TGS1: variants seen among roughly 807,000 people sequenced by gnomAD.
The protein encoded by TGS1 is trimethylguanosine synthase 1.
Under a neutral mutation model 92.2 loss-of-function variants are expected in TGS1, and 69 were observed. The ratio of observed to expected loss-of-function variants is 0.75; its 90% confidence interval spans 0.62 to 0.91. TGS1 has a LOEUF of 0.91. Ranked by LOEUF, TGS1 falls within the 40% of genes least tolerant of loss-of-function variation. The pLI, the probability that TGS1 is intolerant of heterozygous loss-of-function variation, is 0.00. For missense variants in TGS1, 1,062 were observed against 1,001.2 expected, an observed-to-expected ratio of 1.06 and a Z score of -0.82; for synonymous variants, 345 against 338.1, an observed-to-expected ratio of 1.02 and a Z score of -0.22.
chr8:55,780,822 G>C (rs1360336005), intron 1 of TGS1, among the ~76,000 whole-genome samples: 1 of 152,140 alleles, frequency 6.6e-6, no homozygotes, highest in Admixed American at 6.5e-5. Flanking sequence ...TTACTAACAG[G>C]TTATATTCCA....
chr8:55,793,753 TA>T (rs1440839178), intron 6 of TGS1, among the ~76,000 whole-genome samples: 24 of 149,932 alleles, frequency 1.6e-4, no homozygotes, highest in African/African-American at 5.4e-4. Context: ...TTTATTTATT[TA>T]TTTATTTATT....
intron 5 of TGS1, among the ~76,000 whole-genome samples, chr8:55,791,460 G>T (rs1473890155): frequency 1.3e-5 from 2 of 152,192 alleles, no homozygotes; most frequent in Non-Finnish European, 2.9e-5. Flanking sequence ...TCTCTGCCCA[G>T]AAGTGGCAGT....
chr8:55,778,492 T>G (rs753744925), intron 1 of TGS1, among the ~76,000 whole-genome samples: 7 of 152,180 alleles, frequency 4.6e-5, no homozygotes, highest in Non-Finnish European at 1.0e-4. Context: ...AGGACTATTC[T>G]GGAAACTGAA....
chr8:55,786,914 G>A lies in TGS1; in HGVS notation c.1016G>A (p.Cys339Tyr), dbSNP rs1367235482. The A allele has an allele frequency of 6.2e-7, 1 of 1,614,120 alleles. No individual in the cohort carries two copies. Residue 339 changes from cysteine to tyrosine, a missense_variant, in exon 4 of 13, where the codon TGT becomes TAT. Cys to Tyr is a radical substitution (Grantham distance 194). Coordinates refer to ENST00000260129, the MANE Select transcript of TGS1 (RefSeq NM_024831.8). The part of the protein sequence containing the change: ...EEVTQSQLDS[C>Y]TSHDGHQQLS... ...GTAACACAGAGCCAATTAGATTCCTGTACAAGTCATGATGGTCATCAACAG... is the reference window on the plus strand; with the variant it reads ...GTAACACAGAGCCAATTAGATTCCTATACAAGTCATGATGGTCATCAACAG...
Position 55,773,798 on chromosome 8 carries a change from T to C in TGS1, c.101+79T>C, listed in dbSNP as rs112964282. 13 of 1,193,600 alleles carry C rather than the reference T, an allele frequency of 1.1e-5. No homozygotes were observed. In the African/African-American group the frequency reaches 1.5e-4, roughly 14 times the overall value. 73.9% of individuals were successfully genotyped at this position (1,193,600 alleles called of 1,614,324 possible). ...GTAGGTATTGCAAACGTGGTTGTAATTGATCCCTGAAAGCAGCCAGAACAT... is the reference window on the plus strand; with the variant it reads ...GTAGGTATTGCAAACGTGGTTGTAACTGATCCCTGAAAGCAGCCAGAACAT... On this transcript the variant is annotated intron_variant, in intron 1 of 12. Transcript: ENST00000260129.
chr8:55,801,681 C>G (rs1373755948), intron 8 of TGS1, among the ~76,000 whole-genome samples: 1 of 149,698 alleles, frequency 6.7e-6, no homozygotes. Flanking sequence ...CTCCGCCTCC[C>G]GGGTTCACGC....
intron 1 of TGS1, among the ~76,000 whole-genome samples, chr8:55,781,973 C>T (rs1197306045): frequency 6.6e-6 from 1 of 152,048 alleles, no homozygotes; most frequent in Non-Finnish European, 1.5e-5. Flanking sequence ...CCATGAATAC[C>T]TTGTCTACTG....
At chr8:55,822,291 C>T (rs370913817) in intron 12 of TGS1, among the ~76,000 whole-genome samples, 1 of 151,958 alleles carries the variant, frequency 6.6e-6, no homozygotes, top group African/African-American at 2.4e-5. Flanking sequence ...AGGATGGTCT[C>T]GATCTCCTGA....
chr8:55,818,596 C>T (rs1489946706), intron 12 of TGS1, among the ~76,000 whole-genome samples: 2 of 152,206 alleles, frequency 1.3e-5, no homozygotes, highest in South Asian at 2.1e-4. Context: ...AGAGCAGAAT[C>T]GTTTGTTCTT....
intron 4 of TGS1, 107 bp from the exon 5 acceptor site, chr8:55,790,075 C>T: frequency 1.3e-6 from 1 of 761,024 alleles, no homozygotes; most frequent in African/African-American, 1.7e-5. Flanking sequence ...TGCACATGTA[C>T]AGTTCATTGT....
At chr8:55,791,435 C>A (rs1055077799) in intron 5 of TGS1, among the ~76,000 whole-genome samples, 8 of 152,244 alleles carry the variant, frequency 5.3e-5, no homozygotes, top group Non-Finnish European at 1.2e-4. Flanking sequence ...CCATAACTCT[C>A]AGTTTACAAG....
chr8:55,797,660 G>T (rs1812097265), intron 7 of TGS1, among the ~76,000 whole-genome samples: 1 of 152,152 alleles, frequency 6.6e-6, no homozygotes, highest in African/African-American at 2.4e-5. Flanking sequence ...AACAAAAGTA[G>T]TTAGAAAATT....
chr8:55,808,004 C>T (rs1803226215), intron 10 of TGS1, among the ~76,000 whole-genome samples: 1 of 152,160 alleles, frequency 6.6e-6, no homozygotes, highest in Non-Finnish European at 1.5e-5. Flanking sequence ...CACGTAGTAG[C>T]TGTAGAAAAA....
chr8:55,807,488 C>G (rs1001087038), intron 10 of TGS1, among the ~76,000 whole-genome samples: 1 of 151,018 alleles, frequency 6.6e-6, no homozygotes, highest in Non-Finnish European at 1.5e-5. Flanking sequence ...ACTGATATAG[C>G]TGGGTCATAA....
chr8:55,774,595 T>A (rs982227476), intron 1 of TGS1, among the ~76,000 whole-genome samples: 7 of 152,202 alleles, frequency 4.6e-5, no homozygotes, highest in Admixed American at 2.0e-4. Flanking sequence ...AGTCATACAA[T>A]CATTCAGAAA....
At chr8:55,783,469 T>C (rs1811625057) in intron 2 of TGS1, among the ~76,000 whole-genome samples, 1 of 152,100 alleles carries the variant, frequency 6.6e-6, no homozygotes, top group African/African-American at 2.4e-5. Flanking sequence ...GAGAAGTGTA[T>C]TATGTAGGTA....
intron 12 of TGS1, 54 bp from the exon 13 acceptor site, chr8:55,824,527 C>T: frequency 6.2e-7 from 1 of 1,606,252 alleles, no homozygotes; most frequent in South Asian, 1.1e-5. Context: ...AAGTGAAAGA[C>T]TTTTGAAATT....
rs1803769967 is a variant in TGS1, at chr8:55,825,483, T to G, written c.*780T>G. 6.6e-6 allele frequency: 1 copy of G among 152,182 alleles called. No homozygotes were observed. Among genetic ancestry groups the G allele is most frequent in the South Asian group, 2.1e-4 (1 of 4,832 alleles). The allele number at this position is 152,182 out of a possible 1,614,324, so 9.4% of individuals were successfully genotyped here. On this transcript the variant is annotated 3_prime_UTR_variant, in exon 13 of 13. Transcript: ENST00000260129. ...GTTGCTTAATTATTCATCTAAAAAGTTTGTTCAGTCATTTTTACAAGTAGG... is the reference window on the plus strand; with the variant it reads ...GTTGCTTAATTATTCATCTAAAAAGGTTGTTCAGTCATTTTTACAAGTAGG...
chr8:55,823,202 G>A (rs1803697360), intron 12 of TGS1, among the ~76,000 whole-genome samples: 1 of 152,058 alleles, frequency 6.6e-6, no homozygotes, highest in African/African-American at 2.4e-5. Context: ...TGAGAGGTTG[G>A]GTGAAGAAAG....
Sources: gnomAD v4.1 joint callset for allele counts (sites outside exome capture counted in the v4.1 genomes callset) on GRCh38, gnomAD v4.1.1 for gene constraint, MANE v1.5 for transcripts, NCBI Gene and HGNC (gene_info 2026-07-23, HGNC 2026-07-21) for gene names.